Variants in AGBL4 observed in about 807,000 individuals in gnomAD.
The protein encoded by AGBL4 is AGBL carboxypeptidase 4.
In AGBL4, 58 loss-of-function variants were observed where a neutral mutation model predicts 66.4. The ratio of observed to expected loss-of-function variants is 0.87; its 90% confidence interval spans 0.71 to 1.09. AGBL4 has a LOEUF of 1.09. Ranked by LOEUF, AGBL4 falls within the 50% of genes least tolerant of loss-of-function variation. The pLI is 0.00. For synonymous variants in AGBL4, 234 were observed against 222.9 expected, an observed-to-expected ratio of 1.05 and a Z score of -0.44; for missense variants, 579 against 631.0, an observed-to-expected ratio of 0.92 and a Z score of 0.88.
At chr1:49,485,616 T>TA (rs976982668) in intron 3 of AGBL4, among the ~76,000 whole-genome samples, 107 of 148,820 alleles carry the variant, frequency 7.2e-4, no homozygotes, top group African/African-American at 2.5e-3. Flanking sequence ...ATAATAATAA[T>TA]AAAAAGAAAC....
At chr1:49,189,093 T>C (rs184262262) in intron 4 of AGBL4, among the ~76,000 whole-genome samples, 7 of 152,240 alleles carry the variant, frequency 4.6e-5, no homozygotes, top group Non-Finnish European at 1.0e-4. Context: ...TAGCCAGGTA[T>C]TTGTTACCAC....
chr1:49,046,641 C>A (rs569971924), intron 4 of AGBL4, among the ~76,000 whole-genome samples: 3 of 152,286 alleles, frequency 2.0e-5, no homozygotes, highest in African/African-American at 7.2e-5. Flanking sequence ...TGTTTCCCTG[C>A]AGTGAATGTC....
intron 1 of AGBL4, among the ~76,000 whole-genome samples, chr1:49,966,964 T>C (rs1657615666): frequency 6.6e-6 from 1 of 152,178 alleles, no homozygotes. Context: ...GCAATAAATA[T>C]ACGTGTGCAT....
chr1:49,237,744 A>G (rs1025492572), intron 4 of AGBL4, among the ~76,000 whole-genome samples: 7 of 151,818 alleles, frequency 4.6e-5, no homozygotes, highest in African/African-American at 1.7e-4. Flanking sequence ...TATAAGGCAT[A>G]TTTAGAAAAC....
chr1:48,527,588 C>T, the AGBL4 span, among the ~76,000 whole-genome samples: 2 of 143,498 alleles, frequency 1.4e-5, no homozygotes, highest in Non-Finnish European at 3.0e-5. Flanking sequence ...AGCAAGACTC[C>T]ATCTCAAAAA....
intron 1 of AGBL4, among the ~76,000 whole-genome samples, chr1:50,016,061 G>T (rs758667504): frequency 2.0e-5 from 3 of 152,098 alleles, no homozygotes; most frequent in Non-Finnish European, 4.4e-5. Flanking sequence ...TTGCACATAG[G>T]CCCTGGCAAA....
chr1:48,849,775 C>G (rs12748359), intron 6 of AGBL4, among the ~76,000 whole-genome samples: 2 of 152,150 alleles, frequency 1.3e-5, no homozygotes, highest in Admixed American at 6.5e-5. Flanking sequence ...GAGCTCAAGA[C>G]TAGCCTGGCC....
At chr1:48,709,790 G>C (rs1293672138) in intron 6 of AGBL4, among the ~76,000 whole-genome samples, 2 of 151,906 alleles carry the variant, frequency 1.3e-5, no homozygotes, top group African/African-American at 4.8e-5. Context: ...TTTTAGTAGA[G>C]ACGGGGTTTC....
intron 3 of AGBL4, among the ~76,000 whole-genome samples, chr1:49,637,518 G>T (rs890479620): frequency 1.3e-5 from 2 of 151,984 alleles, no homozygotes; most frequent in Non-Finnish European, 2.9e-5. Context: ...GGCCAGGCTG[G>T]TTTTGAACTA....
In AGBL4 at chr1:49,720,513, C is replaced by T. The variant is rs550143193; in HGVS notation, c.158-23076G>A. 1.4e-4 allele frequency among the ~76,000 whole-genome samples: 21 copies of T among 152,236 alleles called. No homozygotes were observed. The South Asian group carries it at 1.9e-3, about 14-fold the overall frequency. On this transcript the variant is annotated intron_variant, in intron 2 of 13. Coordinates refer to ENST00000371839, the MANE Select transcript of AGBL4 (RefSeq NM_032785.4). Reference sequence around the variant, plus strand: ...TAGCAGCTATTCTGCTATTTACTAGCGATTCCAATTTGTTTGTACAGAATA... The same window carrying T: ...TAGCAGCTATTCTGCTATTTACTAGTGATTCCAATTTGTTTGTACAGAATA...
intron 4 of AGBL4, among the ~76,000 whole-genome samples, chr1:49,164,495 A>G (rs1646597448): frequency 6.6e-6 from 1 of 152,150 alleles, no homozygotes; most frequent in African/African-American, 2.4e-5. Context: ...AAGCAACTGT[A>G]ATCTTAGATA....
intron 3 of AGBL4, among the ~76,000 whole-genome samples, chr1:49,574,418 T>C (rs1463920098): frequency 6.6e-6 from 1 of 152,182 alleles, no homozygotes; most frequent in Non-Finnish European, 1.5e-5. Context: ...TGGAAATGCC[T>C]GATCTCCCTT....
chr1:49,659,591 A>G (rs1029106387), intron 3 of AGBL4, among the ~76,000 whole-genome samples: 19 of 152,198 alleles, frequency 1.2e-4, no homozygotes, highest in Admixed American at 1.0e-3. Context: ...TTCAACAAGA[A>G]GTGCTAACCA....
chr1:49,598,058 A>G (rs1305898177), intron 3 of AGBL4, among the ~76,000 whole-genome samples: 1 of 152,196 alleles, frequency 6.6e-6, no homozygotes, highest in Non-Finnish European at 1.5e-5. Context: ...ACTATATTGA[A>G]TAAGAGTGGT....
At chr1:48,873,436 G>T (rs12029376) in intron 5 of AGBL4, among the ~76,000 whole-genome samples, 73,126 of 151,938 alleles carry the variant, frequency 0.48, 20,849 homozygotes, top group Non-Finnish European at 0.65. Context: ...GTGCTAGATC[G>T]GGTCCTTCCC....
intron 2 of AGBL4, among the ~76,000 whole-genome samples, chr1:49,833,068 C>T (rs1430488389): frequency 7.9e-5 from 12 of 152,072 alleles, no homozygotes; most frequent in South Asian, 2.1e-4. Context: ...AGTCCTTGCC[C>T]GTGCCTATGT....
intron 3 of AGBL4, among the ~76,000 whole-genome samples, chr1:49,263,677 T>G (rs1653451584): frequency 6.6e-6 from 1 of 152,196 alleles, no homozygotes; most frequent in Admixed American, 6.6e-5. Flanking sequence ...GAAAGAACAA[T>G]GATTTTGAAC....
At chr1:49,307,783 A>G (rs1399456091) in intron 3 of AGBL4, among the ~76,000 whole-genome samples, 1 of 152,088 alleles carries the variant, frequency 6.6e-6, no homozygotes, top group East Asian at 1.9e-4. Context: ...TGAACTTAAG[A>G]TCTCTCCAAT....
chr1:49,601,062 T>C (rs1644949042), intron 3 of AGBL4, among the ~76,000 whole-genome samples: 1 of 152,166 alleles, frequency 6.6e-6, no homozygotes, highest in African/African-American at 2.4e-5. Flanking sequence ...CCCTTAACAT[T>C]TTTTCCTTCT....
Sources: allele counts gnomAD v4.1 joint callset (sites outside exome capture counted in the v4.1 genomes callset), GRCh38; gene constraint gnomAD v4.1.1; transcripts MANE v1.5; gene names NCBI Gene and HGNC (gene_info 2026-07-23, HGNC 2026-07-21).